ITCH: variants seen among roughly 807,000 people sequenced by gnomAD.
ITCH encodes the protein itchy E3 ubiquitin protein ligase.
A neutral mutation model predicts 126.8 loss-of-function variants in ITCH; 28 were observed. The observed-to-expected ratio is 0.22, with a 90% CI of 0.16 to 0.30. The LOEUF (loss-of-function observed/expected upper bound fraction) is 0.30. Ranked by LOEUF, ITCH falls within the 10% of genes least tolerant of loss-of-function variation. ITCH has a pLI of 1.00. For missense variants in ITCH, 631 were observed against 1,032.4 expected (o/e 0.61, Z 5.33); for synonymous variants, 342 against 340.0 (o/e 1.01, Z -0.06).
chr20:34,363,839 A>C lies in ITCH; in HGVS notation c.-99+490A>C, dbSNP rs533909590. ...GAGCCCCCAGTCGCTAGAAGGGCCCAGCACAGCGGCTGCCTCCCCTTCTCT... is the reference window on the plus strand; with the variant it reads ...GAGCCCCCAGTCGCTAGAAGGGCCCCGCACAGCGGCTGCCTCCCCTTCTCT... On this transcript the variant is annotated intron_variant, in intron 1 of 24. Transcript: ENST00000374864. Among the ~76,000 whole-genome samples the C allele has an allele frequency of 1.1e-4, 17 of 152,248 alleles. No individual in the cohort carries two copies. In the East Asian group the frequency reaches 2.9e-3, roughly 26 times the overall value.
At chr20:34,391,906 T>C (rs920806062) in intron 2 of ITCH, among the ~76,000 whole-genome samples, 4 of 152,170 alleles carry the variant, frequency 2.6e-5, no homozygotes, top group Non-Finnish European at 5.9e-5. Flanking sequence ...AATGTTAATT[T>C]ATATTTAGAA....
intron 7 of ITCH, among the ~76,000 whole-genome samples, chr20:34,427,198 G>T (rs1201470780): frequency 6.6e-6 from 1 of 152,294 alleles, no homozygotes; most frequent in East Asian, 1.9e-4. Context: ...TTATGATGAA[G>T]AATCATCTAT....
chr20:34,430,318 G>GA (rs769350251), intron 7 of ITCH, among the ~76,000 whole-genome samples: 1 of 152,136 alleles, frequency 6.6e-6, no homozygotes, highest in African/African-American at 2.4e-5. Flanking sequence ...ACTGCCACCT[G>GA]AAGTTGGGAT....
intron 16 of ITCH, chr20:34,476,007 T>G (rs1486823885): frequency 6.3e-7 from 1 of 1,599,212 alleles, no homozygotes; most frequent in East Asian, 2.2e-5. Flanking sequence ...TCCATAGATT[T>G]TGTCAAACAG....
chr20:34,400,646 C>CTT (rs760416482), intron 3 of ITCH, among the ~76,000 whole-genome samples: 15,067 of 119,910 alleles, frequency 0.13, 1,328 homozygotes, highest in African/African-American at 0.16. Context: ...AAAAATTTTT[C>CTT]TTTTTTTTTT....
At chr20:34,504,179 C>T in intron 23 of ITCH, 152 bp from the exon 24 acceptor site, 1 of 686,204 alleles carries the variant, frequency 1.5e-6, no homozygotes, top group Non-Finnish European at 2.7e-6. Flanking sequence ...CCACACCTAA[C>T]CCAGAGTTTC....
At chr20:34,470,898 A>G (rs1373669806) in intron 15 of ITCH, among the ~76,000 whole-genome samples, 1 of 152,198 alleles carries the variant, frequency 6.6e-6, no homozygotes, top group Non-Finnish European at 1.5e-5. Context: ...AGCCATTTTT[A>G]TATCTATCGT....
chr20:34,412,409 G>A, intron 4 of ITCH, 106 bp from the exon 5 acceptor site: 1 of 798,470 alleles, frequency 1.3e-6, no homozygotes, highest in Non-Finnish European at 2.1e-6. Flanking sequence ...ACTGTAAGGG[G>A]TGCAGTGAGA....
rs916719121 is a variant in ITCH, at chr20:34,511,589, G to T, written c.*3795G>T. Among the ~76,000 whole-genome samples, 1 of 152,150 alleles carries T rather than the reference G, an allele frequency of 6.6e-6. No homozygotes were observed. The highest frequency in any genetic ancestry group is 2.4e-5 in the African/African-American group (1 of 41,414). ...AAGGGTTGGACTGCTTATTCTCGCA[G>T]CCCAATAATGAGGTGCAGATGAACT... On this transcript the variant is annotated 3_prime_UTR_variant, in exon 25 of 25. Transcript: ENST00000374864.
chr20:34,504,634 T>A (rs1002608090), intron 24 of ITCH, among the ~76,000 whole-genome samples: 2 of 152,162 alleles, frequency 1.3e-5, no homozygotes, highest in Non-Finnish European at 2.9e-5. Context: ...GATTTAGAGT[T>A]ATTTTAACTT....
intron 12 of ITCH, among the ~76,000 whole-genome samples, chr20:34,453,782 T>G (rs886602208): frequency 2.6e-5 from 4 of 151,890 alleles, no homozygotes; most frequent in Non-Finnish European, 4.4e-5. Flanking sequence ...TCACCTGAGG[T>G]CAGGAGTTCG....
intron 23 of ITCH, among the ~76,000 whole-genome samples, chr20:34,493,109 A>G (rs367998220): frequency 6.6e-6 from 1 of 152,254 alleles, no homozygotes; most frequent in African/African-American, 2.4e-5. Context: ...GACTATGGCA[A>G]TATTCACTTT....
intron 3 of ITCH, among the ~76,000 whole-genome samples, chr20:34,399,363 A>T (rs770543552): frequency 6.6e-6 from 1 of 151,610 alleles, no homozygotes; most frequent in Non-Finnish European, 1.5e-5. Flanking sequence ...TTACACTCCA[A>T]TCTGGGCAAC....
At chr20:34,406,997 C>T (rs903654315) in intron 3 of ITCH, among the ~76,000 whole-genome samples, 1 of 152,028 alleles carries the variant, frequency 6.6e-6, no homozygotes, top group Non-Finnish European at 1.5e-5. Flanking sequence ...GTTGTAGTTA[C>T]CTCATCTATG....
chr20:34,449,137 C>G lies in ITCH; in HGVS notation c.1141-274C>G, dbSNP rs1984847167. 3.9e-5 allele frequency among the ~76,000 whole-genome samples: 6 copies of G among 151,910 alleles called. No individual in the cohort carries two copies. In the South Asian group the frequency reaches 1.2e-3, roughly 32 times the overall value. The stretch of plus-strand genomic sequence containing the variant: ...TATATTATTGATGTAAAATTTGTAG[C>G]ACAAAGGAAAAATGGTCATTTTGGG... On this transcript the variant is annotated intron_variant, in intron 11 of 24. Transcript: ENST00000374864.
intron 6 of ITCH, chr20:34,417,296 C>T (rs1026899027): frequency 2.3e-5 from 10 of 441,168 alleles, no homozygotes; most frequent in Non-Finnish European, 3.3e-5. Flanking sequence ...AGGGTTTCTC[C>T]GTGTTGGCCA....
At chr20:34,445,558 G>A in intron 11 of ITCH, 97 bp downstream of exon 11, 1 of 1,178,374 alleles carries the variant, frequency 8.5e-7, no homozygotes, top group Non-Finnish European at 1.3e-6. Context: ...GGTGCAAGTA[G>A]CATGGCAACC....
intron 12 of ITCH, among the ~76,000 whole-genome samples, chr20:34,455,629 A>ATT (rs71194608): frequency 1.4e-5 from 2 of 144,886 alleles, no homozygotes; most frequent in African/African-American, 5.1e-5. Context: ...TGCCTGGCTA[A>ATT]TTTTTTTTTT....
intron 7 of ITCH, among the ~76,000 whole-genome samples, chr20:34,432,068 AG>A (rs1429689999): frequency 6.6e-6 from 1 of 151,236 alleles, no homozygotes; most frequent in Admixed American, 6.6e-5. Context: ...AAAAAAAAAA[AG>A]ATGGGACATT....
Sources: allele counts gnomAD v4.1 joint callset (sites outside exome capture counted in the v4.1 genomes callset), GRCh38; gene constraint gnomAD v4.1.1; transcripts MANE v1.5; gene names NCBI Gene and HGNC (gene_info 2026-07-23, HGNC 2026-07-21).